The following DIDO1 variants were observed in gnomAD, a reference collection of about 807,000 sequenced individuals.
DIDO1 encodes death inducer-obliterator 1, also known as death-inducer obliterator 1.
A neutral mutation model predicts 99.4 loss-of-function variants in DIDO1; 16 were observed. That is an observed-to-expected ratio of 0.16 (90% CI 0.11 to 0.24). The LOEUF (loss-of-function observed/expected upper bound fraction) is 0.24, where lower values mean the gene tolerates loss of function less well. DIDO1 is among the 10% of genes least tolerant of loss of function. The pLI is 1.00. For synonymous variants in DIDO1, 1,366 were observed against 1,239.1 expected (o/e 1.10, Z -2.15); for missense variants, 2,996 against 3,014.0 (o/e 0.99, Z 0.14).
intron 6 of DIDO1, among the ~76,000 whole-genome samples, chr20:62,903,395 T>A (rs1419051721): frequency 6.6e-6 from 1 of 152,190 alleles, no homozygotes; most frequent in Non-Finnish European, 1.5e-5. Context: ...TCTGATGGTA[T>A]GTGTGGTGAG....
intron 15 of DIDO1, chr20:62,889,445 A>G: frequency 1.0e-6 from 1 of 985,412 alleles, no homozygotes; most frequent in Non-Finnish European, 1.2e-6. Context: ...ATATCGCCTC[A>G]ATTGTTTTAA....
chr20:62,904,599 G>A (rs960539729), intron 6 of DIDO1, among the ~76,000 whole-genome samples: 3 of 151,940 alleles, frequency 2.0e-5, no homozygotes, highest in African/African-American at 7.3e-5. Flanking sequence ...TGACCAACAT[G>A]GTGAAACCCC....
intron 1 of DIDO1, among the ~76,000 whole-genome samples, chr20:62,917,468 G>A (rs957896895): frequency 6.6e-6 from 1 of 152,100 alleles, no homozygotes. Flanking sequence ...AATACTGTTC[G>A]TTTTTTCTTT....
At chr20:62,935,338 A>C (rs1195867870) in intron 1 of DIDO1, among the ~76,000 whole-genome samples, 7 of 143,406 alleles carry the variant, frequency 4.9e-5, no homozygotes, top group Non-Finnish European at 1.1e-4. Context: ...ACAAATAAAT[A>C]TTTATGGAGC....
chr20:62,932,692 C>G (rs959513853), intron 1 of DIDO1, among the ~76,000 whole-genome samples: 1 of 152,142 alleles, frequency 6.6e-6, no homozygotes, highest in Admixed American at 6.5e-5. Flanking sequence ...TCAACCTCAG[C>G]AGGAGTTAAA....
chr20:62,881,825 C>T lies in DIDO1; in HGVS notation c.4131G>A (p.Glu1377=), dbSNP rs1312180383. 1.9e-6 allele frequency: 3 copies of T among 1,613,460 alleles called. No homozygotes were observed. The highest frequency in any genetic ancestry group is 1.7e-5 in the Admixed American group (1 of 59,996). ...CGTATGGCCTGTCGTCCTCCTCTTC[C>T]TCTAGAGCCTTATCTTTTGAGAACT... ...FGQFSKDKAL[E]EEEDDRPYDP... The change falls in exon 16 of 16, where the codon GAG becomes GAA. Residue 1377 remains glutamate (E), a synonymous_variant. Coordinates refer to ENST00000395343, the MANE Select transcript of DIDO1 (RefSeq NM_001193369.2). This position sits in a 1 kb window ranked among gnomAD's most constrained non-coding sequence, Gnocchi z 8.3.
rs761794385 is a variant in DIDO1, at chr20:62,893,804, C to G, written c.2963G>C (p.Ser988Thr). The G allele has an allele frequency of 1.9e-6, 3 of 1,614,154 alleles. No homozygotes were observed. The South Asian group carries it at 3.3e-5, about 18-fold the overall frequency. Residue 988 changes from serine (S) to threonine (T), a missense_variant, in exon 12 of 16, where the codon AGC becomes ACC. Ser to Thr is a moderately conservative substitution (Grantham distance 58). Around this residue, in one of 5 missense-constraint regions of DIDO1, gnomAD observed 898 missense variants for 972.7 expected, o/e 0.92. Coordinates refer to ENST00000395343, the MANE Select transcript of DIDO1 (RefSeq NM_001193369.2). ...CTGTCTGGCTTCCACCATGTGGGTG[C>G]TGTCTGGGCGGGATGCTGCGGAGGC... Reference protein sequence around the residue: ...AVASAASRPDSTHMVEARQDV... With the variant: ...AVASAASRPDTTHMVEARQDV...
intron 6 of DIDO1, among the ~76,000 whole-genome samples, chr20:62,897,988 C>T (rs1274937408): frequency 1.3e-5 from 2 of 152,200 alleles, no homozygotes; most frequent in African/African-American, 2.4e-5. Context: ...GGAGCTACCT[C>T]GGGTGATCAA....
intron 1 of DIDO1, among the ~76,000 whole-genome samples, chr20:62,922,628 A>G (rs1079074): frequency 0.23 from 34,889 of 152,178 alleles, 4,282 homozygotes; most frequent in East Asian, 0.34. Context: ...ACGACCTCAC[A>G]GCTTCCTACA....
chr20:62,898,906 T>C (rs1249911069), intron 6 of DIDO1, among the ~76,000 whole-genome samples: 1 of 152,200 alleles, frequency 6.6e-6, no homozygotes, highest in African/African-American at 2.4e-5. Context: ...AAATCTGTTT[T>C]TAACAACTCA....
intron 8 of DIDO1, among the ~76,000 whole-genome samples, chr20:62,895,441 G>A (rs2064497320): frequency 7.1e-6 from 1 of 140,796 alleles, no homozygotes; most frequent in African/African-American, 2.9e-5. Context: ...TTCACGGCCT[G>A]TGCTGCACTG....
chr20:62,918,769 A>G (rs1405601246), intron 1 of DIDO1, among the ~76,000 whole-genome samples: 1 of 152,182 alleles, frequency 6.6e-6, no homozygotes, highest in Admixed American at 6.5e-5. Context: ...AGGGTAGGCC[A>G]AAGTTTACAT....
intron 15 of DIDO1, chr20:62,887,826 G>T (rs1414134467): frequency 1.0e-6 from 1 of 985,516 alleles, no homozygotes; most frequent in East Asian, 1.1e-4. Flanking sequence ...TGAGTGGGGT[G>T]AACATCTAGG....
rs1359793557 is a variant in DIDO1, at chr20:62,893,921, C to T, written c.2846G>A (p.Cys949Tyr). The change falls in exon 12 of 16, where the codon TGC (cysteine) becomes TAC (tyrosine). Residue 949 changes from cysteine (C) to tyrosine (Y), a missense_variant. Around this residue, in one of 5 missense-constraint regions of DIDO1, gnomAD observed 898 missense variants for 972.7 expected, o/e 0.92. Coordinates refer to ENST00000395343, the MANE Select transcript of DIDO1 (RefSeq NM_001193369.2). The stretch of plus-strand genomic sequence containing the variant: ...CACCCCGCTCCCACAGGAGGCTGGG[C>T]AGGGGGACAGGTCTTCCAGCGGGGA... ...EPSPLEDLSPCPASCGSGVVT... is the reference protein window; with the variant it reads ...EPSPLEDLSPYPASCGSGVVT... The T allele has an allele frequency of 2.5e-6, 4 of 1,611,514 alleles. No homozygotes were observed. The highest frequency in any genetic ancestry group is 1.7e-5 in the Admixed American group (1 of 59,984).
intron 1 of DIDO1, among the ~76,000 whole-genome samples, chr20:62,921,967 TAC>T (rs199569249): frequency 1.3e-5 from 2 of 150,286 alleles, no homozygotes; most frequent in African/African-American, 2.4e-5. Context: ...ACAATATATA[TAC>T]ACACTATACA....
chr20:62,898,416 C>A (rs981862906), intron 6 of DIDO1, among the ~76,000 whole-genome samples: 1 of 152,240 alleles, frequency 6.6e-6, no homozygotes, highest in Non-Finnish European at 1.5e-5. Context: ...ACAAAACTTG[C>A]AACAGTACTA....
Position 62,880,671 on chromosome 20 carries a change from C to A in DIDO1, c.5285G>T (p.Gly1762Val). ...GQREPGPHAL[G>V]MSGLHGPNFP... ...ATTGGGGCCGTGAAGCCCTGACATC[C>A]CCAAAGCATGAGGTCCAGGTTCCCG... The change falls in exon 16 of 16, where the codon GGG (glycine) becomes GTG (valine). Residue 1762 changes from glycine (G) to valine (V), a missense_variant. Transcript: ENST00000395343. The A allele has an allele frequency of 6.2e-7, 1 of 1,612,784 alleles. No individual in the cohort carries two copies. Among genetic ancestry groups the A allele is most frequent in the Non-Finnish European group, 8.5e-7 (1 of 1,179,968 alleles).
rs2064149799 is a variant in DIDO1, at chr20:62,879,040, TTA to T, written c.*191_*192del. On this transcript the variant is annotated 3_prime_UTR_variant, in exon 16 of 16. Transcript: ENST00000395343. The surrounding 1 kb of genome is among the most constrained non-coding windows in gnomAD (Gnocchi z 6.3). ...TAATTTTAAATGGAAATATTAAAGT[TTA>T]GTTTTTTTAAAAAAGCATCAGAATT... 6.0e-6 allele frequency: 3 copies of T among 496,554 alleles called. No homozygotes were observed. Among genetic ancestry groups the T allele is most frequent in the Non-Finnish European group, 6.6e-6 (2 of 301,966 alleles). The allele number at this position is 496,554 out of a possible 1,614,324, so 30.8% of individuals were successfully genotyped here. A position where few individuals can be genotyped will look rare whatever the true frequency, so the allele number is the denominator to read the frequency against.
chr20:62,924,161 G>C (rs2065209627), intron 1 of DIDO1, among the ~76,000 whole-genome samples: 1 of 152,192 alleles, frequency 6.6e-6, no homozygotes, highest in Non-Finnish European at 1.5e-5. Flanking sequence ...TCATTTGATA[G>C]TAGTCATAAA....
Sources: gnomAD v4.1 joint callset for allele counts (sites outside exome capture counted in the v4.1 genomes callset) on GRCh38, gnomAD v4.1.1 for gene constraint, gnomAD v4.1.1 regional missense constraint, Gnocchi (gnomAD v3.1) non-coding constraint, MANE v1.5 for transcripts, NCBI Gene and HGNC (gene_info 2026-07-23, HGNC 2026-07-21) for gene names.